The following INSYN2B variants were observed in gnomAD, a reference collection of about 807,000 sequenced individuals.
INSYN2B encodes protein INSYN2B.
In INSYN2B, 16 loss-of-function variants were observed where a neutral mutation model predicts 41.2. The observed-to-expected ratio is 0.39, with a 90% CI of 0.26 to 0.59. INSYN2B has a LOEUF of 0.59. Ranked by LOEUF, INSYN2B falls within the 20% of genes least tolerant of loss-of-function variation. The pLI, the probability that INSYN2B is intolerant of heterozygous loss-of-function variation, is 0.57. For missense variants in INSYN2B, 608 were observed against 646.4 expected (o/e 0.94, Z 0.64); for synonymous variants, 245 against 244.4 (o/e 1.00, Z -0.02).
At chr5:169,879,590 C>G (rs1419891024) in intron 3 of INSYN2B, among the ~76,000 whole-genome samples, 1 of 152,162 alleles carries the variant, frequency 6.6e-6, no homozygotes, top group Non-Finnish European at 1.5e-5. Context: ...GCTAACCCAA[C>G]CAGGGGTGTA....
chr5:169,875,686 T>A (rs986590681), intron 3 of INSYN2B: 3 of 172,226 alleles, frequency 1.7e-5, no homozygotes, highest in African/African-American at 7.1e-5. Context: ...CTTTAATCAA[T>A]CTCATCATTG....
chr5:169,913,852 G>A (rs1258757402), intron 1 of INSYN2B, among the ~76,000 whole-genome samples: 1 of 152,084 alleles, frequency 6.6e-6, no homozygotes, highest in African/African-American at 2.4e-5. Flanking sequence ...AGAACTTTTT[G>A]TATACTGAGC....
chr5:169,869,980 A>G (rs181918858), intron 3 of INSYN2B, among the ~76,000 whole-genome samples: 2 of 152,334 alleles, frequency 1.3e-5, no homozygotes, highest in African/African-American at 4.8e-5. Flanking sequence ...AGTGGAGGGC[A>G]AATAGTAGTT....
intron 1 of INSYN2B, among the ~76,000 whole-genome samples, chr5:169,961,656 G>A (rs1384118239): frequency 6.6e-6 from 1 of 152,080 alleles, no homozygotes; most frequent in Non-Finnish European, 1.5e-5. Context: ...CAAGTGCTAA[G>A]AAGGACAAGT....
chr5:169,966,836 A>G (rs996021907), intron 1 of INSYN2B, among the ~76,000 whole-genome samples: 7 of 152,208 alleles, frequency 4.6e-5, no homozygotes, highest in African/African-American at 1.7e-4. Context: ...TGAGGAGGTT[A>G]CTTTCCACAC....
chr5:169,866,217 T>C (rs1206597620), intron 3 of INSYN2B, among the ~76,000 whole-genome samples: 2 of 152,226 alleles, frequency 1.3e-5, no homozygotes, highest in Non-Finnish European at 2.9e-5. Flanking sequence ...TCCACTTACA[T>C]GCCTTCTCTT....
chr5:169,961,902 C>T (rs1037884707), intron 1 of INSYN2B, among the ~76,000 whole-genome samples: 8 of 140,190 alleles, frequency 5.7e-5, no homozygotes, highest in African/African-American at 2.2e-4. Flanking sequence ...TCACTTGAAC[C>T]CAGGAGGCGG....
intron 1 of INSYN2B, among the ~76,000 whole-genome samples, chr5:169,967,316 C>G (rs185973563): frequency 1.4e-3 from 208 of 152,270 alleles, no homozygotes; most frequent in African/African-American, 4.6e-3. Context: ...GTAGAGGTGA[C>G]TATGTCAATT....
intron 3 of INSYN2B, among the ~76,000 whole-genome samples, chr5:169,879,786 A>G (rs1250085334): frequency 1.3e-5 from 2 of 152,196 alleles, no homozygotes; most frequent in Non-Finnish European, 2.9e-5. Flanking sequence ...CATTTTTCAG[A>G]TGGGGAAAAT....
chr5:169,871,050 G>T (rs904558438), intron 3 of INSYN2B, among the ~76,000 whole-genome samples: 10 of 152,132 alleles, frequency 6.6e-5, no homozygotes, highest in African/African-American at 2.4e-4. Flanking sequence ...GGCAGAAAGG[G>T]GAGAGGGACC....
rs1286005423 is a variant in INSYN2B at position 169,931,824 on chromosome 5, C to T, written c.-918-47008G>A. 2.6e-5 allele frequency among the ~76,000 whole-genome samples: 4 copies of T among 152,338 alleles called. No homozygotes were observed. The East Asian group carries it at 7.7e-4, about 29-fold the overall frequency. ...GCTAGCCCCAGAAATAACAGGAATC[C>T]TTCCTCCAGGGATCATAGCCTTCTG... On this transcript the variant is annotated intron_variant, in intron 1 of 3. Transcript: ENST00000377365.
At chr5:169,924,937 A>G (rs1775357591) in intron 1 of INSYN2B, among the ~76,000 whole-genome samples, 1 of 152,178 alleles carries the variant, frequency 6.6e-6, no homozygotes, top group Non-Finnish European at 1.5e-5. Context: ...GTCCAGGCAC[A>G]ATTGCTTCTC....
intron 1 of INSYN2B, among the ~76,000 whole-genome samples, chr5:169,965,487 A>G (rs1777264973): frequency 6.6e-6 from 1 of 152,222 alleles, no homozygotes; most frequent in Non-Finnish European, 1.5e-5. Context: ...CTAGTGTTGG[A>G]GTCAGGTCAG....
intron 3 of INSYN2B, among the ~76,000 whole-genome samples, chr5:169,868,314 A>G (rs150459589): frequency 2.0e-5 from 3 of 152,302 alleles, no homozygotes; most frequent in East Asian, 3.9e-4. Context: ...CTTCATCCAT[A>G]TGCTTCCACC....
chr5:169,882,906 T>C lies in INSYN2B; in HGVS notation c.993A>G (p.Ser331=), dbSNP rs1157397399. 1.3e-6 allele frequency: 2 copies of C among 1,551,868 alleles called. No individual in the cohort carries two copies. Among genetic ancestry groups the C allele is most frequent in the Non-Finnish European group, 1.7e-6 (2 of 1,147,014 alleles). Residue 331 remains serine, a synonymous_variant, in exon 2 of 4, where the codon TCA becomes TCG. Transcript: ENST00000377365. ...CCAGATTCTGGTGATTGTTACTTGA[T>C]GAAGGACAGTCTGAGGCTCTTCCTG... is the stretch of plus-strand genomic sequence containing the variant. ...AHPGRASDCP[S]SSNNHQNLVS... is the part of the protein sequence containing the mutation.
intron 3 of INSYN2B, among the ~76,000 whole-genome samples, chr5:169,866,036 G>A (rs1307179696): frequency 2.7e-5 from 4 of 149,548 alleles, no homozygotes; most frequent in Non-Finnish European, 4.4e-5. Flanking sequence ...TCAGAGGGGC[G>A]AGGGGGCCTG....
intron 1 of INSYN2B, among the ~76,000 whole-genome samples, chr5:169,899,519 A>C (rs929080983): frequency 6.6e-6 from 1 of 152,200 alleles, no homozygotes; most frequent in South Asian, 2.1e-4. Context: ...AATGGACTTG[A>C]GGATAGAAGG....
rs572620907 is a variant in INSYN2B at position 169,943,327 on chromosome 5, C to T, written c.-919+36950G>A. ...AGCAGTAGCTGTCTAAAGGTTGATC[C>T]CACCCTGAGATCCAGGCCCTGTGGA... On this transcript the variant is annotated intron_variant, in intron 1 of 3. Transcript: ENST00000377365. 3.9e-5 allele frequency among the ~76,000 whole-genome samples: 6 copies of T among 152,182 alleles called. No individual in the cohort carries two copies. The South Asian group carries it at 1.2e-3, about 32-fold the overall frequency.
At chr5:169,891,391 C>T (rs1431599415) in intron 1 of INSYN2B, among the ~76,000 whole-genome samples, 1 of 152,182 alleles carries the variant, frequency 6.6e-6, no homozygotes, top group African/African-American at 2.4e-5. Flanking sequence ...TAGTTAGAGG[C>T]TTCAAGGAAT....
Sources: allele counts gnomAD v4.1 joint callset (sites outside exome capture counted in the v4.1 genomes callset), GRCh38; gene constraint gnomAD v4.1.1; transcripts MANE v1.5; gene names NCBI Gene and HGNC (gene_info 2026-07-23, HGNC 2026-07-21).